Variants in PIK3C2G observed in about 807,000 individuals in gnomAD.
PIK3C2G encodes phosphatidylinositol 3-kinase C2 domain-containing subunit gamma.
A neutral mutation model predicts 181.1 loss-of-function variants in PIK3C2G; 168 were observed. The ratio of observed to expected loss-of-function variants is 0.93; its 90% CI spans 0.82 to 1.05. The LOEUF (loss-of-function observed/expected upper bound fraction) is 1.05, where lower values mean the gene tolerates loss of function less well. Among genes scored for constraint, PIK3C2G ranks in the 50% least tolerant of loss-of-function variants. PIK3C2G has a pLI of 0.00. For synonymous variants in PIK3C2G, 573 were observed against 592.2 expected (o/e 0.97, Z 0.47); for missense variants, 1,869 against 1,732.8 (o/e 1.08, Z -1.40).
At chr12:18,521,248 GT>G (rs1250966475) in intron 24 of PIK3C2G, among the ~76,000 whole-genome samples, 3 of 152,326 alleles carry the variant, frequency 2.0e-5, no homozygotes, top group Admixed American at 6.5e-5. Flanking sequence ...AGCAGGACTC[GT>G]TTAACGAAGC....
At chr12:18,570,834 C>T (rs1016781591) in intron 29 of PIK3C2G, among the ~76,000 whole-genome samples, 1 of 150,602 alleles carries the variant, frequency 6.6e-6, no homozygotes, top group Non-Finnish European at 1.5e-5. Context: ...AGATCTGGAT[C>T]GACCACATCA....
At chr12:18,297,432 G>A (rs1949988472) in intron 5 of PIK3C2G, among the ~76,000 whole-genome samples, 1 of 151,886 alleles carries the variant, frequency 6.6e-6, no homozygotes, top group South Asian at 2.1e-4. Flanking sequence ...AAATATTCAT[G>A]AGGTACATGT....
the PIK3C2G span, among the ~76,000 whole-genome samples, chr12:18,659,895 A>C: frequency 2.6e-4 from 40 of 152,252 alleles, 1 homozygote; most frequent in African/African-American, 9.4e-4. Flanking sequence ...AGAAATGCTA[A>C]AGGGAGTCCT....
At chr12:18,658,210 T>G in the PIK3C2G span, among the ~76,000 whole-genome samples, 1 of 152,042 alleles carries the variant, frequency 6.6e-6, no homozygotes, top group African/African-American at 2.4e-5. Context: ...TACCACCAAG[T>G]ATATTAACAT....
intron 12 of PIK3C2G, among the ~76,000 whole-genome samples, chr12:18,368,381 G>A (rs1279290266): frequency 6.6e-6 from 1 of 152,152 alleles, no homozygotes; most frequent in African/African-American, 2.4e-5. Context: ...AAGGTTAAAT[G>A]CATTACTTAG....
At chr12:18,332,589 G>A (rs1419769804) in intron 8 of PIK3C2G, among the ~76,000 whole-genome samples, 1 of 151,936 alleles carries the variant, frequency 6.6e-6, no homozygotes, top group East Asian at 1.9e-4. Context: ...CAACTTTCCT[G>A]GCCTTTCCCC....
At chr12:18,514,448 G>T (rs1307916777) in intron 24 of PIK3C2G, among the ~76,000 whole-genome samples, 2 of 151,440 alleles carry the variant, frequency 1.3e-5, no homozygotes, top group Non-Finnish European at 3.0e-5. Context: ...AGTTTTTATC[G>T]CAGAGATCTT....
chr12:18,576,439 T>C (rs1045147508), intron 29 of PIK3C2G, among the ~76,000 whole-genome samples: 10 of 152,170 alleles, frequency 6.6e-5, no homozygotes, highest in Admixed American at 3.3e-4. Flanking sequence ...ATTTGTAATG[T>C]ATCTGTTATG....
chr12:18,450,561 T>G (rs1947291808), intron 18 of PIK3C2G, among the ~76,000 whole-genome samples: 1 of 152,240 alleles, frequency 6.6e-6, no homozygotes, highest in Admixed American at 6.5e-5. Context: ...CAGTTTCTTT[T>G]GCTGTGCAGA....
At chr12:18,335,888 A>G (rs1938485203) in intron 8 of PIK3C2G, among the ~76,000 whole-genome samples, 1 of 152,174 alleles carries the variant, frequency 6.6e-6, no homozygotes, top group South Asian at 2.1e-4. Flanking sequence ...TAATAGATTG[A>G]ATAAATCAGC....
chr12:18,452,529 T>C (rs1947420564), intron 18 of PIK3C2G, among the ~76,000 whole-genome samples: 1 of 152,152 alleles, frequency 6.6e-6, no homozygotes, highest in African/African-American at 2.4e-5. Context: ...TCTAGATTCA[T>C]TGATTTTTTT....
intron 31 of PIK3C2G, among the ~76,000 whole-genome samples, chr12:18,627,008 C>T (rs1949129872): frequency 6.6e-6 from 1 of 151,764 alleles, no homozygotes; most frequent in African/African-American, 2.4e-5. Context: ...ATTCCTTTTA[C>T]TCATGGCTTG....
chr12:18,539,370 C>T (rs894023316), intron 25 of PIK3C2G, among the ~76,000 whole-genome samples: 1 of 151,706 alleles, frequency 6.6e-6, no homozygotes, highest in African/African-American at 2.4e-5. Context: ...TCATAACAAC[C>T]CTAACAGATC....
At chr12:18,314,465 T>G (rs74070208) in intron 6 of PIK3C2G, 1 of 156,268 alleles carries the variant, frequency 6.4e-6, no homozygotes, top group South Asian at 2.0e-4. Context: ...CTCTGTCTTC[T>G]TCTTTCTCCC....
At chr12:18,613,970 A>C (rs866670603) in intron 31 of PIK3C2G, among the ~76,000 whole-genome samples, 38 of 152,092 alleles carry the variant, frequency 2.5e-4, no homozygotes, top group African/African-American at 8.9e-4. Context: ...ATATAAAAAC[A>C]ACATGTTCTG....
At chr12:18,623,479 G>T (rs753663707) in intron 31 of PIK3C2G, among the ~76,000 whole-genome samples, 11 of 151,620 alleles carry the variant, frequency 7.3e-5, no homozygotes, top group Non-Finnish European at 1.5e-4. Flanking sequence ...TGATGCCTCA[G>T]GGTTTGTTCT....
intron 20 of PIK3C2G, among the ~76,000 whole-genome samples, chr12:18,494,096 T>G (rs190315020): frequency 1.1e-4 from 16 of 152,206 alleles, no homozygotes; most frequent in African/African-American, 3.6e-4. Context: ...AGATCCTATC[T>G]TCCTTTCTTC....
intron 5 of PIK3C2G, among the ~76,000 whole-genome samples, chr12:18,305,741 C>A (rs904404609): frequency 6.6e-6 from 1 of 151,964 alleles, no homozygotes; most frequent in African/African-American, 2.4e-5. Context: ...TAGGATGTTT[C>A]TCCTCTGGAG....
At chr12:18,509,540 C>T (rs1385310190) in intron 24 of PIK3C2G, among the ~76,000 whole-genome samples, 1 of 152,186 alleles carries the variant, frequency 6.6e-6, no homozygotes, top group African/African-American at 2.4e-5. Context: ...ATGTTACAGA[C>T]ATTGAGCTCT....
Sources: gnomAD v4.1 joint callset for allele counts (sites outside exome capture counted in the v4.1 genomes callset) on GRCh38, gnomAD v4.1.1 for gene constraint, MANE v1.5 for transcripts, NCBI Gene and HGNC (gene_info 2026-07-23, HGNC 2026-07-21) for gene names.